Variants in RBFOX1 observed in about 807,000 individuals in gnomAD.
RBFOX1 encodes RNA binding protein fox-1 homolog 1.
RBFOX1 carries 8 observed loss-of-function variants against 57.7 expected under a neutral mutation model. The ratio of observed to expected loss-of-function variants is 0.14; its 90% CI spans 0.08 to 0.25. RBFOX1 has a LOEUF of 0.25. RBFOX1 is among the 10% of genes least tolerant of loss of function. The pLI is 1.00. For missense variants in RBFOX1, 611 were observed against 548.5 expected (o/e 1.11, Z -1.14); for synonymous variants, 326 against 222.4 (o/e 1.47, Z -4.15).
chr16:7,681,834 C>G (rs1053304808), intron 14 of RBFOX1, among the ~76,000 whole-genome samples: 1 of 152,078 alleles, frequency 6.6e-6, no homozygotes, highest in Non-Finnish European at 1.5e-5. Flanking sequence ...TTCCCCAGTC[C>G]TCTTATCTGA....
intron 3 of RBFOX1, among the ~76,000 whole-genome samples, chr16:6,895,905 TG>T (rs200198389): frequency 0.012 from 1,880 of 152,204 alleles, 21 homozygotes; most frequent in Non-Finnish European, 0.02. Context: ...TTTTGTAAAA[TG>T]TTTTTTTAAT....
rs78090775 is a variant in RBFOX1, at chr16:5,636,485, C to T, written c.318+37524C>T. 5.6e-3 allele frequency among the ~76,000 whole-genome samples: 855 copies of T among 152,296 alleles called. 8 individuals carry two copies. The highest frequency in any genetic ancestry group is 0.02 in the African/African-American group (813 of 41,570). On this transcript the variant is annotated intron_variant, in intron 3 of 19. Coordinates refer to the RBFOX1 transcript ENST00000641259. ...GAGAATCTGAAGGACTCCTCCCGCT[C>T]ATGGGGCCAGGCATTAACGTTTTAT...
At chr16:6,717,909 T>C (rs1430479908) in intron 3 of RBFOX1, among the ~76,000 whole-genome samples, 1 of 152,198 alleles carries the variant, frequency 6.6e-6, no homozygotes, top group Non-Finnish European at 1.5e-5. Context: ...AAGGATCCTA[T>C]ACTGGGATAA....
chr16:5,559,349 G>T lies in RBFOX1; in HGVS notation c.259-39553G>T, dbSNP rs541026472. 6.6e-5 allele frequency among the ~76,000 whole-genome samples: 10 copies of T among 152,212 alleles called. No homozygotes were observed. The East Asian group carries it at 1.9e-3, about 30-fold the overall frequency. ...AAGGATCATAGTAAACATTGATGTG[G>T]AAGCCATTTGTTTTGTAATCTGGTG... On this transcript the variant is annotated intron_variant, in intron 2 of 2. Coordinates refer to the RBFOX1 transcript ENST00000585867.
At chr16:6,823,138 T>C (rs1214315455) in intron 3 of RBFOX1, among the ~76,000 whole-genome samples, 1 of 152,160 alleles carries the variant, frequency 6.6e-6, no homozygotes, top group African/African-American at 2.4e-5. Context: ...CTGTATTTGA[T>C]AGAAGCCAGG....
intron 2 of RBFOX1, chr16:6,483,510 G>C: frequency 2.0e-6 from 3 of 1,535,736 alleles, no homozygotes; most frequent in East Asian, 2.4e-5. Context: ...ATGAAATCTT[G>C]GCAGCTAATT....
intron 1 of RBFOX1, among the ~76,000 whole-genome samples, chr16:5,436,030 G>A (rs1188173631): frequency 6.6e-6 from 1 of 152,212 alleles, no homozygotes; most frequent in Non-Finnish European, 1.5e-5. Flanking sequence ...AAAGATTGAA[G>A]TCTAAGGTGA....
intron 4 of RBFOX1, among the ~76,000 whole-genome samples, chr16:7,077,241 T>C (rs185925484): frequency 2.6e-5 from 4 of 152,146 alleles, no homozygotes; most frequent in Admixed American, 2.0e-4. Flanking sequence ...TGAGGGGAAA[T>C]GTTGGCATTG....
chr16:6,764,918 C>T (rs186030780), intron 3 of RBFOX1, among the ~76,000 whole-genome samples: 1 of 151,476 alleles, frequency 6.6e-6, no homozygotes, highest in South Asian at 2.1e-4. Context: ...ACCTGGATGA[C>T]AGAGCAAGAC....
chr16:6,419,333 C>A (rs1596973925), intron 2 of RBFOX1, among the ~76,000 whole-genome samples: 1 of 152,036 alleles, frequency 6.6e-6, no homozygotes, highest in African/African-American at 2.4e-5. Context: ...ATACAGTTTC[C>A]CTGCTGGAAT....
intron 1 of RBFOX1, among the ~76,000 whole-genome samples, chr16:5,421,976 A>G (rs1412016589): frequency 6.6e-6 from 1 of 152,206 alleles, no homozygotes; most frequent in Non-Finnish European, 1.5e-5. Flanking sequence ...TAGTGGGAAT[A>G]AGGGAGAAAG....
intron 1 of RBFOX1, among the ~76,000 whole-genome samples, chr16:5,310,569 G>A (rs941907883): frequency 2.0e-5 from 3 of 152,148 alleles, no homozygotes; most frequent in Non-Finnish European, 4.4e-5. Context: ...GGTCATTTTG[G>A]CTGGGCTAGA....
intron 1 of RBFOX1, among the ~76,000 whole-genome samples, chr16:6,177,957 C>G (rs897687020): frequency 2.7e-5 from 4 of 149,058 alleles, no homozygotes; most frequent in Admixed American, 2.7e-4. Context: ...CACATTTATC[C>G]TGAAGATGGA....
intron 1 of RBFOX1, among the ~76,000 whole-genome samples, chr16:5,409,269 C>G (rs958627831): frequency 1.3e-5 from 2 of 152,222 alleles, no homozygotes; most frequent in Non-Finnish European, 2.9e-5. Context: ...ACAGTGTTCA[C>G]TGTTCTGCAT....
chr16:6,709,935 A>G (rs529750881), intron 3 of RBFOX1, among the ~76,000 whole-genome samples: 20 of 152,246 alleles, frequency 1.3e-4, no homozygotes, highest in Non-Finnish European at 2.1e-4. Flanking sequence ...TTTTGAGGTG[A>G]ATCACTTGGC....
intron 4 of RBFOX1, among the ~76,000 whole-genome samples, chr16:7,444,757 C>G (rs2098795571): frequency 6.6e-6 from 1 of 152,122 alleles, no homozygotes; most frequent in Non-Finnish European, 1.5e-5. Flanking sequence ...GTCCTGAACC[C>G]CTGGGCTCAA....
At chr16:6,543,597 G>A (rs1946101560) in intron 2 of RBFOX1, among the ~76,000 whole-genome samples, 2 of 152,098 alleles carry the variant, frequency 1.3e-5, no homozygotes, top group African/African-American at 2.4e-5. Context: ...TTGTTTTGCT[G>A]TTGTTTTGTT....
chr16:7,267,757 G>T (rs1328028231), intron 4 of RBFOX1, among the ~76,000 whole-genome samples: 1 of 152,122 alleles, frequency 6.6e-6, no homozygotes, highest in East Asian at 1.9e-4. Flanking sequence ...TTGGGAGGCT[G>T]AGGTGGGAGA....
rs546290221 is a variant in RBFOX1, at chr16:5,319,168, C to G, written c.219+79063C>G. On this transcript the variant is annotated intron_variant, in intron 1 of 2. Coordinates refer to the RBFOX1 transcript ENST00000585867. ...AAACAAACAAAAAAACATAAAAAAC[C>G]AGAGAGTTTTCTCTTATTGCAGAAT... is the stretch of plus-strand genomic sequence containing the variant. Among the ~76,000 whole-genome samples, 3 of 151,324 alleles carry G rather than the reference C, an allele frequency of 2.0e-5. No homozygotes were observed. In the South Asian group the frequency reaches 6.3e-4, roughly 32 times the overall value.
Sources: allele counts gnomAD v4.1 joint callset (sites outside exome capture counted in the v4.1 genomes callset), GRCh38; gene constraint gnomAD v4.1.1; transcripts MANE v1.5; gene names NCBI Gene and HGNC (gene_info 2026-07-23, HGNC 2026-07-21).